BLOC1S5: variants seen among roughly 807,000 people sequenced by gnomAD.
BLOC1S5 encodes the protein biogenesis of lysosomal organelles complex 1 subunit 5, also known as biogenesis of lysosome-related organelles complex 1 subunit 5.
A neutral mutation model predicts 24.3 loss-of-function variants in BLOC1S5; 27 were observed. The observed-to-expected ratio is 1.11, with a 90% CI of 0.82 to 1.53. The LOEUF (loss-of-function observed/expected upper bound fraction) is 1.53, where lower values mean the gene tolerates loss of function less well. Among genes scored for constraint, BLOC1S5 ranks in the 40% most tolerant of loss-of-function variants. BLOC1S5 has a pLI of 0.00. For missense variants in BLOC1S5, 239 were observed against 229.4 expected (o/e 1.04, Z -0.27); for synonymous variants, 84 against 74.5 (o/e 1.13, Z -0.66).
chr6:8,040,229 C>T lies in BLOC1S5; in HGVS notation c.325+910G>A, dbSNP rs377199160. On this transcript the variant is annotated intron_variant, in intron 3 of 4. Transcript: ENST00000397457. The stretch of plus-strand genomic sequence containing the variant: ...TAGAGTGTTCAACCATTATAAATTT[C>T]GGTTTTCTCAACTGTAAGGTGGGGA... 7.9e-5 allele frequency among the ~76,000 whole-genome samples: 12 copies of T among 152,140 alleles called. No homozygotes were observed. In the East Asian group the frequency reaches 1.4e-3, roughly 17 times the overall value.
chr6:8,031,659 A>G (rs966661038), intron 3 of BLOC1S5, among the ~76,000 whole-genome samples: 2 of 152,220 alleles, frequency 1.3e-5, no homozygotes, highest in Non-Finnish European at 2.9e-5. Flanking sequence ...CCACATAGCC[A>G]AAGCAAGATT....
rs1763677086 is a variant in BLOC1S5 at position 8,041,350 on chromosome 6, T to C, written c.196-82A>G. 2.3e-6 allele frequency: 3 copies of C among 1,332,202 alleles called. No homozygotes were observed. In the East Asian group the frequency reaches 7.7e-5, roughly 34 times the overall value. 82.5% of individuals were successfully genotyped at this position (1,332,202 alleles called of 1,614,324 possible). A position where few individuals can be genotyped will look rare whatever the true frequency, so the allele number is the denominator to read the frequency against. On this transcript the variant is annotated intron_variant, in intron 2 of 4. Transcript: ENST00000397457. ...TTTTTTGAAATGGAGTCTCGCTCTG[T>C]CGCCCAGACTGGAGTGCGGTGGTGT...
chr6:8,036,379 C>T (rs180684039), intron 3 of BLOC1S5, among the ~76,000 whole-genome samples: 62 of 152,142 alleles, frequency 4.1e-4, no homozygotes, highest in Non-Finnish European at 3.5e-4. Context: ...ACATCAGAGT[C>T]ATTAAACTAT....
intron 2 of BLOC1S5, among the ~76,000 whole-genome samples, chr6:8,054,938 G>C (rs1490588045): frequency 1.3e-5 from 2 of 152,148 alleles, no homozygotes; most frequent in East Asian, 3.9e-4. Context: ...GGACTCTTCA[G>C]TTGTTTATTC....
chr6:8,020,289 G>A (rs530362753), intron 4 of BLOC1S5, among the ~76,000 whole-genome samples: 96 of 152,350 alleles, frequency 6.3e-4, no homozygotes, highest in Non-Finnish European at 8.4e-4. Context: ...CTGAGAGGCT[G>A]TTCTGCTACC....
intron 2 of BLOC1S5, among the ~76,000 whole-genome samples, chr6:8,043,849 G>A (rs1763777456): frequency 6.6e-6 from 1 of 152,144 alleles, no homozygotes; most frequent in African/African-American, 2.4e-5. Flanking sequence ...GTTGTGGGAG[G>A]GACCTAGGGG....
At chr6:8,046,166 C>A (rs183506280) in intron 2 of BLOC1S5, among the ~76,000 whole-genome samples, 2 of 152,252 alleles carry the variant, frequency 1.3e-5, no homozygotes, top group African/African-American at 4.8e-5. Context: ...GAATAAGTCT[C>A]ATGAGATCTG....
At chr6:8,045,749 G>A (rs1561866225) in intron 2 of BLOC1S5, among the ~76,000 whole-genome samples, 1 of 152,192 alleles carries the variant, frequency 6.6e-6, no homozygotes, top group African/African-American at 2.4e-5. Context: ...CATGGGCACT[G>A]TAATCCCTTT....
chr6:8,024,747 T>C (rs17143306), intron 4 of BLOC1S5, among the ~76,000 whole-genome samples: 1 of 149,628 alleles, frequency 6.7e-6, no homozygotes, highest in Non-Finnish European at 1.5e-5. Context: ...AGGAAAAAAA[T>C]GCTGCCCTAC....
chr6:8,038,966 G>A (rs1763588607), intron 3 of BLOC1S5, among the ~76,000 whole-genome samples: 1 of 152,094 alleles, frequency 6.6e-6, no homozygotes, highest in South Asian at 2.1e-4. Context: ...CACAATACTG[G>A]GTATATATCT....
chr6:8,022,987 G>A (rs970732315), intron 4 of BLOC1S5, among the ~76,000 whole-genome samples: 3 of 152,308 alleles, frequency 2.0e-5, no homozygotes, highest in East Asian at 3.9e-4. Flanking sequence ...TGTGGACAAG[G>A]TGAATTAAAA....
intron 2 of BLOC1S5, among the ~76,000 whole-genome samples, chr6:8,043,375 T>C (rs1024297909): frequency 1.3e-5 from 2 of 152,182 alleles, no homozygotes; most frequent in Non-Finnish European, 2.9e-5. Flanking sequence ...ATCGTGTTGA[T>C]AGCATGCACC....
chr6:8,061,104 T>G (rs1230873017), intron 2 of BLOC1S5, among the ~76,000 whole-genome samples: 1 of 152,106 alleles, frequency 6.6e-6, no homozygotes, highest in Non-Finnish European at 1.5e-5. Context: ...CTGGGATAAA[T>G]TGAGCCACCT....
chr6:8,048,283 C>A (rs1763972130), intron 2 of BLOC1S5, among the ~76,000 whole-genome samples: 1 of 152,188 alleles, frequency 6.6e-6, no homozygotes, highest in African/African-American at 2.4e-5. Context: ...TCATCCTCTC[C>A]ATCTCCTGCT....
At chr6:8,021,182 G>A (rs1368107264) in intron 4 of BLOC1S5, among the ~76,000 whole-genome samples, 1 of 152,208 alleles carries the variant, frequency 6.6e-6, no homozygotes, top group African/African-American at 2.4e-5. Flanking sequence ...CTACTTACAC[G>A]ATGAACCTAG....
chr6:8,019,270 T>TTC (rs1378713410), intron 4 of BLOC1S5, among the ~76,000 whole-genome samples: 2 of 22,222 alleles, frequency 9.0e-5, no homozygotes, highest in African/African-American at 2.4e-4. Context: ...GCATTCTTAC[T>TTC]TTTTTTTTTT....
intron 3 of BLOC1S5, among the ~76,000 whole-genome samples, chr6:8,028,509 T>C (rs1236620762): frequency 6.6e-6 from 1 of 152,178 alleles, no homozygotes. Context: ...TAAAATCCAT[T>C]TGGCAGTTGT....
chr6:8,048,932 G>A (rs937924764), intron 2 of BLOC1S5, among the ~76,000 whole-genome samples: 13 of 151,644 alleles, frequency 8.6e-5, no homozygotes, highest in African/African-American at 2.7e-4. Context: ...AGAATCACTT[G>A]AACCCAGGGT....
intron 2 of BLOC1S5, among the ~76,000 whole-genome samples, chr6:8,043,446 C>A (rs989250244): frequency 1.3e-5 from 2 of 152,066 alleles, no homozygotes; most frequent in Non-Finnish European, 2.9e-5. Flanking sequence ...ATACCCATAA[C>A]CCCAGTCTAG....
Sources: allele counts gnomAD v4.1 joint callset (sites outside exome capture counted in the v4.1 genomes callset), GRCh38; gene constraint gnomAD v4.1.1; transcripts MANE v1.5; gene names NCBI Gene and HGNC (gene_info 2026-07-23, HGNC 2026-07-21).